ABLIM1: variants seen among roughly 807,000 people sequenced by gnomAD.
ABLIM1 encodes actin binding LIM protein 1, also known as actin-binding LIM protein 1.
In ABLIM1, 40 loss-of-function variants were observed where a neutral mutation model predicts 107.0. The ratio of observed to expected loss-of-function variants is 0.37; its 90% CI spans 0.29 to 0.49. The LOEUF is 0.49. Among genes scored for constraint, ABLIM1 ranks in the 20% least tolerant of loss-of-function variants. ABLIM1 has a pLI of 0.97. For synonymous variants in ABLIM1, 357 were observed against 357.3 expected (o/e 1.00, Z 0.01); for missense variants, 857 against 1,008.5 (o/e 0.85, Z 2.04).
At chr10:114,452,577 A>G (rs549266685) in intron 13 of ABLIM1, among the ~76,000 whole-genome samples, 2 of 152,362 alleles carry the variant, frequency 1.3e-5, no homozygotes, top group East Asian at 3.9e-4. Flanking sequence ...GTACACTTAC[A>G]TTAATATAGT....
chr10:114,528,589 T>A (rs1025390535), intron 6 of ABLIM1, among the ~76,000 whole-genome samples: 1 of 152,188 alleles, frequency 6.6e-6, no homozygotes, highest in African/African-American at 2.4e-5. Context: ...TAGGGCCAGA[T>A]CCTCAAAGTG....
intron 1 of ABLIM1, among the ~76,000 whole-genome samples, chr10:114,679,238 T>C (rs890512730): frequency 6.6e-6 from 1 of 152,204 alleles, no homozygotes; most frequent in African/African-American, 2.4e-5. Flanking sequence ...TCTTACTATC[T>C]GGCTCTTTAC....
chr10:114,503,626 T>C lies in ABLIM1; in HGVS notation c.895-11748A>G, dbSNP rs576507797. Among the ~76,000 whole-genome samples the C allele has an allele frequency of 4.6e-5, 7 of 152,342 alleles. No homozygotes were observed. The South Asian group carries it at 1.4e-3, about 32-fold the overall frequency. Reference sequence around the variant, plus strand: ...TATGTTTATGTTTCGCTTCAGTAGCTACTGCCAAACCATGGTCCAAAGTGG... The same window carrying C: ...TATGTTTATGTTTCGCTTCAGTAGCCACTGCCAAACCATGGTCCAAAGTGG... On this transcript the variant is annotated intron_variant, in intron 6 of 22. Transcript: ENST00000533213.
At chr10:114,708,030 G>C (rs2081462851) in intron 1 of ABLIM1, among the ~76,000 whole-genome samples, 2 of 152,126 alleles carry the variant, frequency 1.3e-5, no homozygotes, top group South Asian at 4.1e-4. Context: ...TCTTTTATTT[G>C]TTTACATGTG....
chr10:114,463,866 C>T (rs2064506986), intron 12 of ABLIM1, among the ~76,000 whole-genome samples: 1 of 152,146 alleles, frequency 6.6e-6, no homozygotes, highest in African/African-American at 2.4e-5. Flanking sequence ...TCCAGCTTCA[C>T]TTTGGAAGGG....
At chr10:114,670,278 G>A (rs1334405256) in intron 1 of ABLIM1, among the ~76,000 whole-genome samples, 1 of 151,988 alleles carries the variant, frequency 6.6e-6, no homozygotes, top group Non-Finnish European at 1.5e-5. Flanking sequence ...GCCCATCCCT[G>A]AATTGCTATT....
At chr10:114,452,626 C>T (rs1405052474) in intron 13 of ABLIM1, among the ~76,000 whole-genome samples, 1 of 152,066 alleles carries the variant, frequency 6.6e-6, no homozygotes, top group Non-Finnish European at 1.5e-5. Context: ...CTAAACAAAG[C>T]AAAAAACAAT....
chr10:114,684,177 T>C lies in ABLIM1; in HGVS notation c.64+113A>G, dbSNP rs1054137112. On this transcript the variant is annotated intron_variant, in intron 1 of 23. Transcript: ENST00000369256. ...TAAAACAATCTTTTACTTATTATCATAAGTGTAAAACAATTTTATCAAATG... is the reference window on the plus strand; with the variant it reads ...TAAAACAATCTTTTACTTATTATCACAAGTGTAAAACAATTTTATCAAATG... The C allele has an allele frequency of 2.0e-4, 210 of 1,059,656 alleles. 1 individual carries two copies. In the Admixed American group the frequency reaches 5.1e-3, roughly 26 times the overall value. 65.6% of individuals were successfully genotyped at this position (1,059,656 alleles called of 1,614,324 possible).
At chr10:114,690,975 C>T (rs932154391) in intron 1 of ABLIM1, among the ~76,000 whole-genome samples, 4 of 152,226 alleles carry the variant, frequency 2.6e-5, no homozygotes, top group Non-Finnish European at 5.9e-5. Context: ...AGCCACCTCG[C>T]CAGGCCCTGG....
intron 1 of ABLIM1, among the ~76,000 whole-genome samples, chr10:114,750,057 C>T (rs989580516): frequency 1.3e-5 from 2 of 152,168 alleles, no homozygotes; most frequent in Admixed American, 6.5e-5. Flanking sequence ...TGCCTAGAAA[C>T]TTCCACTGGC....
At chr10:114,558,577 G>A (rs778442058) in intron 4 of ABLIM1, among the ~76,000 whole-genome samples, 21 of 152,054 alleles carry the variant, frequency 1.4e-4, no homozygotes, top group Non-Finnish European at 2.1e-4. Flanking sequence ...TGAAGGATGC[G>A]GGTGCCTTCT....
chr10:114,588,487 CTTTTTTTTTTTTTTTT>C (rs34043960), intron 2 of ABLIM1, among the ~76,000 whole-genome samples: 1 of 76,556 alleles, frequency 1.3e-5, no homozygotes, highest in Non-Finnish European at 2.3e-5. Context: ...TTCTTTCTTT[CTTTTTTTTTTTTTTTT>C]TTTTTTTTTG....
the ABLIM1 span, among the ~76,000 whole-genome samples, chr10:114,776,622 AT>A: frequency 6.6e-6 from 1 of 152,190 alleles, no homozygotes; most frequent in African/African-American, 2.4e-5. Context: ...CAAAAAAAAA[AT>A]AAAATGGATT....
At chr10:114,481,551 AC>A (rs1303555991) in intron 8 of ABLIM1, among the ~76,000 whole-genome samples, 3 of 152,094 alleles carry the variant, frequency 2.0e-5, no homozygotes, top group Non-Finnish European at 4.4e-5. Flanking sequence ...ATATTTTAAA[AC>A]CTGCACATAC....
intron 10 of ABLIM1, among the ~76,000 whole-genome samples, chr10:114,471,861 T>G (rs6585284): frequency 0.5 from 76,553 of 151,838 alleles, 19,676 homozygotes; most frequent in East Asian, 0.63. Context: ...GTTAACATCT[T>G]TGTGGACTAA....
At chr10:114,625,057 C>T (rs2077701956) in intron 1 of ABLIM1, among the ~76,000 whole-genome samples, 1 of 152,180 alleles carries the variant, frequency 6.6e-6, no homozygotes, top group African/African-American at 2.4e-5. Context: ...CTTGTAGTGT[C>T]TCCTTTAATC....
chr10:114,526,654 C>G, intron 6 of ABLIM1: 1 of 985,540 alleles, frequency 1.0e-6, no homozygotes, highest in Non-Finnish European at 1.2e-6. Flanking sequence ...GCAATGTCCG[C>G]TTTACCTCAG....
intron 2 of ABLIM1, among the ~76,000 whole-genome samples, chr10:114,585,990 C>T (rs902900043): frequency 6.6e-6 from 1 of 152,160 alleles, no homozygotes; most frequent in Non-Finnish European, 1.5e-5. Flanking sequence ...TTTTTCTTAA[C>T]CCCCTATTTC....
chr10:114,796,067 A>G, the ABLIM1 span, among the ~76,000 whole-genome samples: 3 of 152,180 alleles, frequency 2.0e-5, no homozygotes, highest in African/African-American at 7.2e-5. Context: ...CCTTGACTTG[A>G]GAGGCAGGAG....
Sources: gnomAD v4.1 joint callset for allele counts (sites outside exome capture counted in the v4.1 genomes callset) on GRCh38, gnomAD v4.1.1 for gene constraint, MANE v1.5 for transcripts, NCBI Gene and HGNC (gene_info 2026-07-23, HGNC 2026-07-21) for gene names.